ZNF48: variants seen among roughly 807,000 people sequenced by gnomAD.
ZNF48 encodes zinc finger protein 48.
Under a neutral mutation model 40.0 loss-of-function variants are expected in ZNF48, and 20 were observed. That is an observed-to-expected ratio of 0.50 (90% CI 0.35 to 0.73). The LOEUF is 0.73. Ranked by LOEUF, ZNF48 falls within the 30% of genes least tolerant of loss-of-function variation. ZNF48 has a pLI of 0.01. For synonymous variants in ZNF48, 298 were observed against 329.7 expected (o/e 0.90, Z 1.04); for missense variants, 726 against 851.9 (o/e 0.85, Z 1.84).
chr16:30,382,773 C>T lies in ZNF48; in HGVS notation c.-16+4363C>T. 1 of 1,535,902 alleles carries T rather than the reference C, an allele frequency of 6.5e-7. No individual in the cohort carries two copies. Among genetic ancestry groups the T allele is most frequent in the Non-Finnish European group, 8.7e-7 (1 of 1,146,840 alleles). On this transcript the variant is annotated intron_variant, in intron 1 of 2. Transcript: ENST00000528032. The surrounding 1 kb of genome is among the most constrained non-coding windows in gnomAD (Gnocchi z 4.8). The stretch of plus-strand genomic sequence containing the variant: ...TCCTTCACACATCTGGATTCCAAGT[C>T]CCACTGTAGCTCCATCATCGTGGTG...
At chr16:30,379,803 C>T (rs1345650479) in intron 1 of ZNF48, 17 of 647,056 alleles carry the variant, frequency 2.6e-5, no homozygotes, top group East Asian at 1.6e-4. Context: ...GGTGGGGTCT[C>T]GCCATGTTGC....
At chr16:30,389,369 C>T (rs1458072532) in intron 1 of ZNF48, among the ~76,000 whole-genome samples, 1 of 144,090 alleles carries the variant, frequency 6.9e-6, no homozygotes, top group African/African-American at 2.6e-5. Context: ...CCAGCCTAGG[C>T]AACAGAGCGA....
chr16:30,399,265 C>G lies in ZNF48; in HGVS notation c.*158C>G. 1.3e-6 allele frequency: 1 copy of G among 776,324 alleles called. No individual in the cohort carries two copies. The allele number at this position is 776,324 out of a possible 1,614,324, so 48.1% of individuals were successfully genotyped here. A position where few individuals can be genotyped will look rare whatever the true frequency, so the allele number is the denominator to read the frequency against. ...GGGATTGGAGACAGTAACCTTGAAG[C>G]TCAGGAAACTGTCCTGGCTGGGCTG... On this transcript the variant is annotated 3_prime_UTR_variant, in exon 3 of 3. Coordinates refer to ENST00000613509, the MANE Select transcript of ZNF48 (RefSeq NM_001214909.2).
chr16:30,383,952 C>T (rs1324208995), intron 1 of ZNF48, among the ~76,000 whole-genome samples: 2 of 152,232 alleles, frequency 1.3e-5, no homozygotes, highest in Non-Finnish European at 2.9e-5. Flanking sequence ...CGTGGTGGCT[C>T]ACACCTGTAA....
chr16:30,379,030 C>A (rs532465703), intron 1 of ZNF48: 3 of 1,612,688 alleles, frequency 1.9e-6, no homozygotes, highest in Non-Finnish European at 1.7e-6. Flanking sequence ...GCGGCTGGCT[C>A]GATCGCGAGC....
intron 1 of ZNF48, among the ~76,000 whole-genome samples, chr16:30,388,265 C>T (rs1294049387): frequency 3.3e-5 from 5 of 152,106 alleles, no homozygotes; most frequent in Non-Finnish European, 4.4e-5. Flanking sequence ...TGAGCCACCA[C>T]GCCAGGCCTG....
At chr16:30,390,624 T>G (rs865879741), upstream of ZNF48, among the ~76,000 whole-genome samples, 3,165 of 69,324 alleles carry the variant, frequency 0.046, 231 homozygotes, top group African/African-American at 0.12. Context: ...TTTTTTTTTT[T>G]TTTTTTTTTT....
Position 30,381,567 on chromosome 16 carries a change from T to C in ZNF48, c.-16+3157T>C. 1 of 1,538,212 alleles carries C rather than the reference T, an allele frequency of 6.5e-7. No homozygotes were observed. Among genetic ancestry groups the C allele is most frequent in the Non-Finnish European group, 8.9e-7 (1 of 1,121,658 alleles). ...ACTGTGGGAGTAGAATGTCATTTCT[T>C]TGGCTCCCTCCAAAGACATTAAGGG... On this transcript the variant is annotated intron_variant, in intron 1 of 2. Coordinates refer to the ZNF48 transcript ENST00000528032. The surrounding 1 kb of genome is among the most constrained non-coding windows in gnomAD (Gnocchi z 4.3).
At chr16:30,378,718 GGGGAC>G in intron 1 of ZNF48, 10 of 1,603,340 alleles carry the variant, frequency 6.2e-6, no homozygotes, top group Non-Finnish European at 8.5e-6. Flanking sequence ...ACAGTGGGAA[GGGGAC>G]AGGAATCAGG....
At chr16:30,393,371 C>T (rs955585332), upstream of ZNF48, among the ~76,000 whole-genome samples, 1 of 151,116 alleles carries the variant, frequency 6.6e-6, no homozygotes, top group South Asian at 2.1e-4. Flanking sequence ...GCACCACACC[C>T]GGCCTTTTAA....
In ZNF48 at chr16:30,381,009, C is replaced by T. The variant is rs1296168614; in HGVS notation, c.-16+2599C>T. 2 of 853,592 alleles carry T rather than the reference C, an allele frequency of 2.3e-6. No homozygotes were observed. Among genetic ancestry groups the T allele is most frequent in the African/African-American group, 3.3e-5 (2 of 59,814 alleles). 52.9% of individuals were successfully genotyped at this position (853,592 alleles called of 1,614,324 possible). A position where few individuals can be genotyped will look rare whatever the true frequency, so the allele number is the denominator to read the frequency against. On this transcript the variant is annotated intron_variant, in intron 1 of 2. Transcript: ENST00000528032. This position sits in a 1 kb window ranked among gnomAD's most constrained non-coding sequence, Gnocchi z 4.3. ...CCACCCGCCTTCCTCAGAAGCTTCT[C>T]CTACAATCTAGCCTGATGCACCATG... is the stretch of plus-strand genomic sequence containing the variant.
At chr16:30,391,842 G>T (rs546831805), upstream of ZNF48, among the ~76,000 whole-genome samples, 38 of 147,054 alleles carry the variant, frequency 2.6e-4, no homozygotes, top group African/African-American at 7.5e-4. Flanking sequence ...TTTTTTTGGC[G>T]GGGGGGTGGG....
rs1024623159 is a variant in ZNF48, at chr16:30,397,113, C to G, written c.80-217C>G. On this transcript the variant is annotated intron_variant, in intron 2 of 2. Coordinates refer to ENST00000613509, the MANE Select transcript of ZNF48 (RefSeq NM_001214909.2). The surrounding 1 kb of genome is among the most constrained non-coding windows in gnomAD (Gnocchi z 4.1). ...TAGTATTGTTTGCAAGCGTTTAATA[C>G]TAATGCTGAGTTTGGTGAATGACAT... Among the ~76,000 whole-genome samples the G allele has an allele frequency of 6.6e-6, 1 of 152,250 alleles. No homozygotes were observed. Among genetic ancestry groups the G allele is most frequent in the East Asian group, 1.9e-4 (1 of 5,192 alleles).
intron 1 of ZNF48, among the ~76,000 whole-genome samples, chr16:30,389,276 A>C (rs2049924101): frequency 6.6e-6 from 1 of 151,924 alleles, no homozygotes; most frequent in African/African-American, 2.4e-5. Context: ...CTGTAGTCCC[A>C]GCTACTCGGG....
chr16:30,391,842 G>A (rs546831805), upstream of ZNF48, among the ~76,000 whole-genome samples: 1 of 146,948 alleles, frequency 6.8e-6, no homozygotes, highest in South Asian at 2.2e-4. Context: ...TTTTTTTGGC[G>A]GGGGGGTGGG....
chr16:30,383,784 G>A (rs941712132), intron 1 of ZNF48, among the ~76,000 whole-genome samples: 3 of 152,188 alleles, frequency 2.0e-5, no homozygotes, highest in African/African-American at 7.2e-5. Flanking sequence ...AAACGTCCTT[G>A]GCTCTCTACC....
upstream of ZNF48, among the ~76,000 whole-genome samples, chr16:30,391,251 G>A (rs994537808): frequency 6.6e-6 from 1 of 152,136 alleles, no homozygotes; most frequent in African/African-American, 2.4e-5. Context: ...CTGGAGTGCA[G>A]TGATCTCTGC....
chr16:30,389,816 GTT>G (rs56373430), intron 1 of ZNF48, among the ~76,000 whole-genome samples: 2 of 22,500 alleles, frequency 8.9e-5, no homozygotes, highest in Non-Finnish European at 2.2e-4. Context: ...ATTTGGATTA[GTT>G]TTTTTTTTTT....
At chr16:30,388,944 CA>C (rs1456934222) in intron 1 of ZNF48, among the ~76,000 whole-genome samples, 1 of 150,926 alleles carries the variant, frequency 6.6e-6, no homozygotes, top group Non-Finnish European at 1.5e-5. Flanking sequence ...AAAACAACAA[CA>C]AAAAGAAAAC....
Sources: allele counts gnomAD v4.1 joint callset (sites outside exome capture counted in the v4.1 genomes callset), GRCh38; gene constraint gnomAD v4.1.1; non-coding constraint Gnocchi (gnomAD v3.1); transcripts MANE v1.5; gene names NCBI Gene and HGNC (gene_info 2026-07-23, HGNC 2026-07-21).